Variants in NPFFR2 observed in about 807,000 individuals in gnomAD.
The protein encoded by NPFFR2 is G-protein coupled receptor 74.
A neutral mutation model predicts 13.1 loss-of-function variants in NPFFR2; 15 were observed. That is an observed-to-expected ratio of 1.15 (90% CI 0.77 to 1.76). The LOEUF (loss-of-function observed/expected upper bound fraction) is 1.76. Among genes scored for constraint, NPFFR2 ranks in the 40% most tolerant of loss-of-function variants. The pLI is 0.00. For missense variants in NPFFR2, 572 were observed against 503.5 expected (o/e 1.14, Z -1.30); for synonymous variants, 190 against 175.7 (o/e 1.08, Z -0.65).
chr4:72,045,502 C>T (rs969587655), intron 1 of NPFFR2, among the ~76,000 whole-genome samples: 4 of 152,122 alleles, frequency 2.6e-5, no homozygotes, highest in Non-Finnish European at 5.9e-5. Context: ...GATATCTGAG[C>T]AACCAAGTAC....
At chr4:72,101,213 G>A (rs1056208165) in intron 1 of NPFFR2, among the ~76,000 whole-genome samples, 2 of 151,820 alleles carry the variant, frequency 1.3e-5, no homozygotes, top group Non-Finnish European at 2.9e-5. Flanking sequence ...ATTTACTGAG[G>A]TAATTCACAT....
intron 1 of NPFFR2, chr4:72,039,040 G>GAGT (rs1417762276): frequency 9.9e-6 from 1 of 101,182 alleles, no homozygotes; most frequent in Non-Finnish European, 2.1e-5. Flanking sequence ...GAGTAGCTGG[G>GAGT]ACTGGCGCCT....
chr4:72,037,191 T>A (rs983186075), intron 1 of NPFFR2, among the ~76,000 whole-genome samples: 1 of 150,452 alleles, frequency 6.6e-6, no homozygotes, highest in Non-Finnish European at 1.5e-5. Flanking sequence ...CAGTTTGAGA[T>A]CAGCCTAGGC....
intron 3 of NPFFR2, among the ~76,000 whole-genome samples, chr4:72,141,804 T>A (rs1722635940): frequency 6.6e-6 from 1 of 152,206 alleles, no homozygotes. Flanking sequence ...GTTCAAGTCC[T>A]GGATATCATT....
chr4:72,119,148 C>A (rs1283929866), intron 1 of NPFFR2, among the ~76,000 whole-genome samples: 2 of 152,008 alleles, frequency 1.3e-5, no homozygotes, highest in Non-Finnish European at 2.9e-5. Flanking sequence ...ATGCATAGCA[C>A]CTGTAAGAAA....
rs1210993544 is a variant in NPFFR2, at chr4:72,128,896, C to T, written c.305C>T (p.Thr102Ile). 23 of 1,610,822 alleles carry T rather than the reference C, an allele frequency of 1.4e-5. No individual in the cohort carries two copies. Among genetic ancestry groups the T allele is most frequent in the Non-Finnish European group, 2.0e-5 (23 of 1,177,400 alleles). Reference sequence around the variant, plus strand: ...GTTGGCATATTCTGCATGCCTATAACACTGCTGGACAATATTATAGCAGGT... The same window carrying T: ...GTTGGCATATTCTGCATGCCTATAATACTGCTGGACAATATTATAGCAGGT... ...LLVGIFCMPI[T>I]LLDNIIAGWP... Residue 102 changes from threonine to isoleucine, a missense_variant, in exon 2 of 4, where the codon ACA becomes ATA. By Grantham distance (89) the Thr-to-Ile change is moderately conservative (BLOSUM62 -1). Transcript: ENST00000308744.
At chr4:72,064,786 G>T (rs1331518957) in intron 1 of NPFFR2, among the ~76,000 whole-genome samples, 2 of 152,158 alleles carry the variant, frequency 1.3e-5, no homozygotes, top group Non-Finnish European at 2.9e-5. Context: ...CTACTGAAAT[G>T]ACTAGAGAGC....
chr4:72,108,754 CTT>C (rs1158414923), intron 1 of NPFFR2, among the ~76,000 whole-genome samples: 1 of 151,854 alleles, frequency 6.6e-6, no homozygotes, highest in African/African-American at 2.4e-5. Flanking sequence ...ATTTAAAAGT[CTT>C]TTGATACATT....
chr4:72,104,318 T>C (rs988699105), intron 1 of NPFFR2, among the ~76,000 whole-genome samples: 5 of 152,130 alleles, frequency 3.3e-5, no homozygotes, highest in African/African-American at 1.2e-4. Context: ...ATTCATTTTC[T>C]CTCAGGCATG....
chr4:72,127,357 TTTC>T (rs1334062963), intron 1 of NPFFR2, among the ~76,000 whole-genome samples: 3 of 132,096 alleles, frequency 2.3e-5, no homozygotes, highest in African/African-American at 9.9e-5. Flanking sequence ...AATAATTTCT[TTTC>T]TTTTTTTTTT....
At chr4:72,117,269 G>A (rs761176502) in intron 1 of NPFFR2, among the ~76,000 whole-genome samples, 1 of 152,044 alleles carries the variant, frequency 6.6e-6, no homozygotes. Flanking sequence ...ATCCCTTACA[G>A]TAGTCACTTA....
chr4:72,041,899 G>C (rs1006733583), intron 1 of NPFFR2, among the ~76,000 whole-genome samples: 1 of 152,112 alleles, frequency 6.6e-6, no homozygotes. Flanking sequence ...TTTGTTGGAT[G>C]CATAGTTTGC....
intron 1 of NPFFR2, among the ~76,000 whole-genome samples, chr4:72,105,350 G>A (rs954585537): frequency 6.6e-6 from 1 of 151,864 alleles, no homozygotes; most frequent in African/African-American, 2.4e-5. Context: ...AAATATGAAC[G>A]TTTTAAAACC....
intron 1 of NPFFR2, among the ~76,000 whole-genome samples, chr4:72,102,292 G>T (rs1721274259): frequency 6.6e-6 from 1 of 152,030 alleles, no homozygotes; most frequent in Non-Finnish European, 1.5e-5. Flanking sequence ...AGCCTTAGAA[G>T]AATGCTAAAC....
intron 1 of NPFFR2, among the ~76,000 whole-genome samples, chr4:72,040,390 T>C (rs1044703992): frequency 5.2e-4 from 79 of 152,232 alleles, no homozygotes; most frequent in African/African-American, 1.9e-3. Flanking sequence ...TATTTTATTC[T>C]TCCCCTTCGA....
At chr4:72,081,366 T>C (rs979937224) in intron 1 of NPFFR2, among the ~76,000 whole-genome samples, 12 of 152,208 alleles carry the variant, frequency 7.9e-5, no homozygotes. Context: ...ATGTCTGCTG[T>C]AATGTATAAT....
In NPFFR2 at chr4:72,047,271, A is replaced by G. The variant is rs144215610; in HGVS notation, c.-8+15071A>G. ...TTAATATGGATAAAAGCCAGGTGCT[A>G]TATATCAAGACCATGGAAGAAAGAC... is the stretch of plus-strand genomic sequence containing the variant. On this transcript the variant is annotated intron_variant, in intron 1 of 3. Transcript: ENST00000308744. 3.9e-3 allele frequency among the ~76,000 whole-genome samples: 593 copies of G among 152,270 alleles called. 15 individuals carry two copies. The highest frequency in any genetic ancestry group is 0.033 in the East Asian group (173 of 5,166).
chr4:72,128,944 A>G (rs778656835), intron 2 of NPFFR2, 25 bp downstream of exon 2: 1 of 1,525,646 alleles, frequency 6.6e-7, no homozygotes, highest in South Asian at 1.2e-5. Context: ...GTGCAGTTTG[A>G]AGATAATATG....
intron 2 of NPFFR2, among the ~76,000 whole-genome samples, chr4:72,137,201 A>T (rs997007611): frequency 6.6e-6 from 1 of 152,166 alleles, no homozygotes; most frequent in Non-Finnish European, 1.5e-5. Flanking sequence ...AAAATACTTT[A>T]TGTGTAAGAA....
Sources: allele counts gnomAD v4.1 joint callset (sites outside exome capture counted in the v4.1 genomes callset), GRCh38; gene constraint gnomAD v4.1.1; transcripts MANE v1.5; gene names NCBI Gene and HGNC (gene_info 2026-07-23, HGNC 2026-07-21).